CNBD1: variants seen among roughly 807,000 people sequenced by gnomAD.
The protein encoded by CNBD1 is cyclic nucleotide binding domain containing 1.
A neutral mutation model predicts 54.4 loss-of-function variants in CNBD1; 71 were observed. The ratio of observed to expected loss-of-function variants is 1.30; its 90% CI spans 1.08 to 1.59. The LOEUF (loss-of-function observed/expected upper bound fraction) is 1.59. Among genes scored for constraint, CNBD1 ranks in the 40% most tolerant of loss-of-function variants. The probability of loss-of-function intolerance (pLI) is 0.00; values close to 1 mark genes in which losing one functional copy is unlikely to be tolerated. For synonymous variants in CNBD1, 182 were observed against 170.7 expected (o/e 1.07, Z -0.51); for missense variants, 659 against 518.0 (o/e 1.27, Z -2.64).
chr8:87,424,515 G>A (rs1374594769), intron 2 of CNBD1, among the ~76,000 whole-genome samples: 1 of 152,120 alleles, frequency 6.6e-6, no homozygotes, highest in Non-Finnish European at 1.5e-5. Flanking sequence ...CTTTATTTCT[G>A]CCTTCATTTC....
At chr8:87,211,653 C>G (rs78744839) in intron 5 of CNBD1, among the ~76,000 whole-genome samples, 1 of 152,106 alleles carries the variant, frequency 6.6e-6, no homozygotes, top group Non-Finnish European at 1.5e-5. Context: ...CCATGTGATG[C>G]GTCTGCTTCC....
intron 4 of CNBD1, among the ~76,000 whole-genome samples, chr8:87,143,339 G>A (rs1812410519): frequency 6.6e-6 from 1 of 152,108 alleles, no homozygotes; most frequent in African/African-American, 2.4e-5. Context: ...AATGTAGTGA[G>A]CTTTTCAAGC....
intron 4 of CNBD1, among the ~76,000 whole-genome samples, chr8:87,133,510 A>AT (rs1445923283): frequency 6.6e-6 from 1 of 152,174 alleles, no homozygotes; most frequent in Non-Finnish European, 1.5e-5. Context: ...AGGTATAATT[A>AT]TCCCCCATCA....
At chr8:87,346,890 T>A (rs1810185949) in intron 8 of CNBD1, among the ~76,000 whole-genome samples, 1 of 152,230 alleles carries the variant, frequency 6.6e-6, no homozygotes, top group Admixed American at 6.5e-5. Flanking sequence ...ACAGGTGGTA[T>A]GGACTCTAGC....
chr8:87,268,548 A>G (rs1808306522), intron 6 of CNBD1, among the ~76,000 whole-genome samples: 1 of 152,046 alleles, frequency 6.6e-6, no homozygotes, highest in African/African-American at 2.4e-5. Context: ...ACAGTGGCTA[A>G]TTTACATTCC....
At chr8:87,259,655 G>A (rs978669648) in intron 6 of CNBD1, among the ~76,000 whole-genome samples, 2 of 152,132 alleles carry the variant, frequency 1.3e-5, no homozygotes, top group African/African-American at 4.8e-5. Context: ...GACAGAACGA[G>A]ATTACTACAA....
chr8:87,023,759 T>C (rs1472927677), intron 4 of CNBD1, among the ~76,000 whole-genome samples: 2 of 152,238 alleles, frequency 1.3e-5, no homozygotes, highest in African/African-American at 4.8e-5. Context: ...TGGCTGGATG[T>C]CTTGGCTTGC....
At chr8:86,972,927 A>G (rs550709327) in intron 4 of CNBD1, among the ~76,000 whole-genome samples, 15 of 152,292 alleles carry the variant, frequency 9.8e-5, no homozygotes, top group African/African-American at 3.6e-4. Flanking sequence ...TTTCAGGCTT[A>G]CAGACAACTT....
chr8:87,166,687 CAT>C lies in CNBD1; in HGVS notation c.432-39305_432-39304del, dbSNP rs1812970068. Among the ~76,000 whole-genome samples the C allele has an allele frequency of 1.3e-5, 2 of 151,820 alleles. No individual in the cohort carries two copies. Among genetic ancestry groups the C allele is most frequent in the African/African-American group, 2.4e-5 (1 of 41,402 alleles). On this transcript the variant is annotated intron_variant, in intron 4 of 10. Transcript: ENST00000518476. The surrounding 1 kb of genome is among the most constrained non-coding windows in gnomAD (Gnocchi z 4.3). ...TTCCTCAGGTTTTCTGATATTTGCA[CAT>C]GTTTGTTTCTATTTGGACAGTTCTT...
intron 4 of CNBD1, among the ~76,000 whole-genome samples, chr8:86,976,935 T>C (rs897575657): frequency 6.6e-6 from 1 of 152,012 alleles, no homozygotes; most frequent in Admixed American, 6.6e-5. Context: ...TTTGGAATCC[T>C]TAGGATTATC....
chr8:86,963,657 T>C (rs913567671), intron 4 of CNBD1, among the ~76,000 whole-genome samples: 6 of 151,946 alleles, frequency 3.9e-5, no homozygotes, highest in Admixed American at 1.3e-4. Context: ...AACTAAGAGA[T>C]TGGGTTTTTC....
At chr8:87,341,564 G>T (rs1272146202) in intron 8 of CNBD1, among the ~76,000 whole-genome samples, 1 of 152,158 alleles carries the variant, frequency 6.6e-6, no homozygotes, top group African/African-American at 2.4e-5. Flanking sequence ...TATTGCTGTT[G>T]TAATAGTATT....
intron 10 of CNBD1, among the ~76,000 whole-genome samples, chr8:87,377,020 T>C (rs552201416): frequency 0.018 from 2,651 of 148,814 alleles, 76 homozygotes; most frequent in African/African-American, 0.058. Flanking sequence ...TTATTTTTTT[T>C]CTTTTTTTTT....
intron 3 of CNBD1, among the ~76,000 whole-genome samples, chr8:86,927,656 A>G (rs12676875): frequency 0.48 from 72,533 of 151,948 alleles, 18,323 homozygotes; most frequent in South Asian, 0.6. Context: ...GAGCTACAGT[A>G]TATAGTCCTA....
intron 1 of CNBD1, among the ~76,000 whole-genome samples, chr8:86,877,588 ATAAT>A (rs1808539618): frequency 6.6e-6 from 1 of 152,150 alleles, no homozygotes. Context: ...TGCTGCTAAA[ATAAT>A]TCTTTATCTT....
chr8:87,032,702 A>G (rs1809821254), intron 4 of CNBD1, among the ~76,000 whole-genome samples: 1 of 152,204 alleles, frequency 6.6e-6, no homozygotes, highest in East Asian at 1.9e-4. Flanking sequence ...TATGTTACCA[A>G]TCATTCTTCC....
intron 4 of CNBD1, among the ~76,000 whole-genome samples, chr8:86,975,576 G>T (rs1308744119): frequency 6.6e-6 from 1 of 151,796 alleles, no homozygotes; most frequent in Non-Finnish European, 1.5e-5. Flanking sequence ...TTTTTTTAAG[G>T]CATAATAGTG....
intron 4 of CNBD1, among the ~76,000 whole-genome samples, chr8:87,175,805 C>T (rs936807772): frequency 2.0e-5 from 3 of 152,146 alleles, no homozygotes; most frequent in African/African-American, 7.2e-5. Context: ...AATTTTAGTC[C>T]TTGTGTCCTA....
At chr8:86,900,097 G>T (rs1213061800) in intron 2 of CNBD1, among the ~76,000 whole-genome samples, 3 of 152,106 alleles carry the variant, frequency 2.0e-5, no homozygotes, top group South Asian at 2.1e-4. Context: ...TGTTATGCAG[G>T]ATATGTGCAA....
Sources: gnomAD v4.1 joint callset for allele counts (sites outside exome capture counted in the v4.1 genomes callset) on GRCh38, gnomAD v4.1.1 for gene constraint, Gnocchi (gnomAD v3.1) non-coding constraint, MANE v1.5 for transcripts, NCBI Gene and HGNC (gene_info 2026-07-23, HGNC 2026-07-21) for gene names.